The following MACROD2 variants were observed in gnomAD, a reference collection of about 807,000 sequenced individuals.
MACROD2 encodes ADP-ribose glycohydrolase MACROD2.
Under a neutral mutation model 70.4 loss-of-function variants are expected in MACROD2, and 36 were observed. The observed-to-expected ratio is 0.51, with a 90% CI of 0.39 to 0.68. MACROD2 has a LOEUF of 0.68. MACROD2 is among the 30% of genes least tolerant of loss of function. MACROD2 has a pLI of 0.00. For synonymous variants in MACROD2, 172 were observed against 178.8 expected (o/e 0.96, Z 0.30); for missense variants, 496 against 538.4 (o/e 0.92, Z 0.78).
chr20:15,312,266 T>G, intron 6 of MACROD2, among the ~76,000 whole-genome samples: 1 of 152,240 alleles, frequency 6.6e-6, no homozygotes, highest in East Asian at 1.9e-4. Flanking sequence ...CACTGGATAT[T>G]TGACATGTAG....
At chr20:15,050,643 G>C (rs1354472396) in intron 5 of MACROD2, among the ~76,000 whole-genome samples, 1 of 144,012 alleles carries the variant, frequency 6.9e-6, no homozygotes, top group Non-Finnish European at 1.5e-5. Flanking sequence ...CTGGGTTCAC[G>C]CTAGGTTTCT....
At chr20:15,727,389 T>C (rs1171590918) in intron 8 of MACROD2, among the ~76,000 whole-genome samples, 8 of 152,198 alleles carry the variant, frequency 5.3e-5, no homozygotes, top group Admixed American at 2.0e-4. Context: ...TCCAGCTTTG[T>C]TCTTTTTGCT....
intron 6 of MACROD2, among the ~76,000 whole-genome samples, chr20:15,397,604 T>C (rs1383064237): frequency 6.6e-6 from 1 of 152,212 alleles, no homozygotes; most frequent in African/African-American, 2.4e-5. Flanking sequence ...GCCTAGCCTC[T>C]TGCATTTTCT....
At chr20:15,580,775 A>G (rs1409353455) in intron 8 of MACROD2, among the ~76,000 whole-genome samples, 3 of 152,192 alleles carry the variant, frequency 2.0e-5, no homozygotes, top group East Asian at 1.9e-4. Flanking sequence ...CATCATAACC[A>G]TAACAAATGG....
chr20:15,994,566 G>T (rs1352377420), intron 15 of MACROD2, among the ~76,000 whole-genome samples: 5 of 152,152 alleles, frequency 3.3e-5, no homozygotes, highest in Non-Finnish European at 7.4e-5. Flanking sequence ...ATCAATATCT[G>T]TTTTTATTAC....
At chr20:14,112,685 T>A (rs1216825078) in intron 3 of MACROD2, among the ~76,000 whole-genome samples, 1 of 151,978 alleles carries the variant, frequency 6.6e-6, no homozygotes, top group Non-Finnish European at 1.5e-5. Context: ...AAAATCTGGA[T>A]GGTATTCATT....
intron 5 of MACROD2, among the ~76,000 whole-genome samples, chr20:14,792,972 A>T (rs2072467744): frequency 6.6e-6 from 1 of 151,970 alleles, no homozygotes; most frequent in Non-Finnish European, 1.5e-5. Flanking sequence ...CTAATTGTTT[A>T]TGCAATCATC....
chr20:14,329,441 G>A (rs906996953), intron 3 of MACROD2: 2 of 152,000 alleles, frequency 1.3e-5, no homozygotes, highest in African/African-American at 2.4e-5. Context: ...CATCATAGTG[G>A]TTAGTCAGAA....
chr20:14,049,520 C>G (rs924114533), intron 2 of MACROD2, among the ~76,000 whole-genome samples: 4 of 151,010 alleles, frequency 2.6e-5, no homozygotes, highest in Admixed American at 6.6e-5. Flanking sequence ...GTGGACAGAT[C>G]ACCTGAGGTC....
At chr20:15,295,427 T>A (rs1694498217) in intron 6 of MACROD2, among the ~76,000 whole-genome samples, 1 of 152,134 alleles carries the variant, frequency 6.6e-6, no homozygotes, top group Non-Finnish European at 1.5e-5. Flanking sequence ...TCTGTTGAGA[T>A]GAGAAAGAGA....
At chr20:15,663,065 G>T (rs2049844062) in intron 8 of MACROD2, among the ~76,000 whole-genome samples, 6 of 152,052 alleles carry the variant, frequency 3.9e-5, no homozygotes, top group Admixed American at 3.9e-4. Context: ...AGGAATAGAA[G>T]TCAGCTGGCT....
At chr20:15,601,613 A>G (rs760628645) in intron 8 of MACROD2, among the ~76,000 whole-genome samples, 17 of 152,228 alleles carry the variant, frequency 1.1e-4, no homozygotes, top group Non-Finnish European at 2.1e-4. Flanking sequence ...CCTTACCGTT[A>G]GTTTATTGGC....
intron 2 of MACROD2, among the ~76,000 whole-genome samples, chr20:14,065,017 A>G (rs1310305132): frequency 6.6e-6 from 1 of 152,204 alleles, no homozygotes; most frequent in African/African-American, 2.4e-5. Context: ...CACGGAACCA[A>G]AGACATTTGT....
At chr20:14,454,852 A>G (rs1006428467) in intron 3 of MACROD2, among the ~76,000 whole-genome samples, 16 of 146,310 alleles carry the variant, frequency 1.1e-4, no homozygotes, top group Admixed American at 1.0e-3. Flanking sequence ...TCCCGGGCTC[A>G]CGCCATTCTC....
intron 5 of MACROD2, among the ~76,000 whole-genome samples, chr20:15,092,935 C>T (rs2075802821): frequency 6.6e-6 from 1 of 152,118 alleles, no homozygotes; most frequent in Non-Finnish European, 1.5e-5. Context: ...CCCTACACAC[C>T]AAAATGGCAT....
At chr20:15,686,390 CAG>C (rs1451153181) in intron 8 of MACROD2, among the ~76,000 whole-genome samples, 12 of 152,118 alleles carry the variant, frequency 7.9e-5, no homozygotes, top group East Asian at 1.9e-4. Context: ...CTTTAGAAAA[CAG>C]GGGCTACTTG....
chr20:15,822,283 T>C (rs992927469), intron 8 of MACROD2, among the ~76,000 whole-genome samples: 13 of 152,168 alleles, frequency 8.5e-5, no homozygotes, highest in African/African-American at 3.1e-4. Context: ...AGATCTAAAA[T>C]GTGGTGTGTA....
chr20:15,789,920 A>ATAAC (rs2063609313), intron 8 of MACROD2, among the ~76,000 whole-genome samples: 1 of 152,084 alleles, frequency 6.6e-6, no homozygotes, highest in African/African-American at 2.4e-5. Flanking sequence ...TCGTTGATGA[A>ATAAC]TAACTATGAA....
At chr20:14,707,767 A>G (rs1309722049) in intron 5 of MACROD2, among the ~76,000 whole-genome samples, 1 of 152,222 alleles carries the variant, frequency 6.6e-6, no homozygotes, top group East Asian at 1.9e-4. Context: ...GGCCCAAAGA[A>G]GGAGTGAAAA....
Sources: allele counts gnomAD v4.1 joint callset (sites outside exome capture counted in the v4.1 genomes callset), GRCh38; gene constraint gnomAD v4.1.1; transcripts MANE v1.5; gene names NCBI Gene and HGNC (gene_info 2026-07-23, HGNC 2026-07-21).